HEPH: variants seen among roughly 807,000 people sequenced by gnomAD.
HEPH encodes hephaestin.
Under a neutral mutation model 80.8 loss-of-function variants are expected in HEPH, and 69 were observed. The ratio of observed to expected loss-of-function variants is 0.85; its 90% CI spans 0.70 to 1.04. HEPH has a LOEUF of 1.04. HEPH is among the 50% of genes least tolerant of loss of function. HEPH has a pLI of 0.00. For missense variants in HEPH, 1,115 were observed against 891.3 expected (o/e 1.25, Z -3.20); for synonymous variants, 431 against 322.8 (o/e 1.34, Z -3.60).
At chrX:66,164,749 C>T (rs757106615) in intron 1 of HEPH, among the ~76,000 whole-genome samples, 25 of 112,217 alleles carry the variant, frequency 2.2e-4, no homozygotes, top group African/African-American at 7.8e-4. Context: ...ATAGCTTGCT[C>T]ATCTTCTGTT....
rs748866999 is a variant in HEPH at position 66,251,064 on chromosome X, A to T, written c.2564-3971A>T. Reference sequence around the variant, plus strand: ...ACATTAAGCTAATTTTTGTATTTTTAGCAGAGATAGGTTTTGCCATGTTAG... The same window carrying T: ...ACATTAAGCTAATTTTTGTATTTTTTGCAGAGATAGGTTTTGCCATGTTAG... On this transcript the variant is annotated intron_variant, in intron 15 of 20. Transcript: ENST00000343002. Among the ~76,000 whole-genome samples the T allele has an allele frequency of 8.1e-4, 90 of 111,737 alleles. 2 individuals are homozygous for T. Among genetic ancestry groups the T allele is most frequent in the African/African-American group, 2.9e-3 (90 of 30,766 alleles).
chrX:66,264,352 TC>T (rs1396931627), intron 20 of HEPH, among the ~76,000 whole-genome samples: 4 of 107,260 alleles, frequency 3.7e-5, no homozygotes, highest in African/African-American at 1.4e-4. Context: ...CAAATATGAA[TC>T]CCCCCTAGGG....
At chrX:66,205,699 A>T (rs1376997440) in intron 13 of HEPH, among the ~76,000 whole-genome samples, 1 of 108,996 alleles carries the variant, frequency 9.2e-6, no homozygotes, top group African/African-American at 3.4e-5. Context: ...AGGTTCAAGC[A>T]ATTCTCCTGC....
At position 66,204,171 on chromosome X, in the gene HEPH, G is replaced by A. The variant is rs73215266; in HGVS notation, c.2291+594G>A. Among the ~76,000 whole-genome samples, 781 of 111,581 alleles carry A rather than the reference G, an allele frequency of 7.0e-3. 17 individuals carry two copies. Among genetic ancestry groups the A allele is most frequent in the Non-Finnish European group, 8.2e-3 (433 of 53,102 alleles). On this transcript the variant is annotated intron_variant, in intron 13 of 20. Coordinates refer to ENST00000343002, the MANE Select transcript of HEPH (RefSeq NM_001367233.3). Reference sequence around the variant, plus strand: ...CAGGGCAAGCAGCATTGTCTATAAGGACACAGCATGGAAATTGTATATATC... The same window carrying A: ...CAGGGCAAGCAGCATTGTCTATAAGAACACAGCATGGAAATTGTATATATC...
At chrX:66,163,097 G>A (rs2086242516), upstream of HEPH, among the ~76,000 whole-genome samples, 1 of 111,736 alleles carries the variant, frequency 8.9e-6, no homozygotes, top group Admixed American at 9.5e-5. Flanking sequence ...TTCTAGATGT[G>A]TAAATTTACA....
Position 66,260,987 on chromosome X carries a change from T to C in HEPH, c.3199+725T>C, listed in dbSNP as rs772280094. Among the ~76,000 whole-genome samples the C allele has an allele frequency of 3.6e-5, 4 of 111,924 alleles. No individual in the cohort carries two copies. The Admixed American group carries it at 3.8e-4, about 11-fold the overall frequency. On this transcript the variant is annotated intron_variant, in intron 19 of 20. Transcript: ENST00000343002. ...CTACCTATGTTGCACAGGCTGGTTC[T>C]AAACTCTTGGCCTCCTTCTGCAGCA... is the stretch of plus-strand genomic sequence containing the variant.
chrX:66,249,674 G>T (rs1043472307), intron 15 of HEPH, among the ~76,000 whole-genome samples: 3 of 111,834 alleles, frequency 2.7e-5, no homozygotes, highest in Non-Finnish European at 5.7e-5. Flanking sequence ...AATACACCTA[G>T]GGAGGTTAGT....
At chrX:66,249,864 G>T (rs2090943773) in intron 15 of HEPH, among the ~76,000 whole-genome samples, 1 of 111,614 alleles carries the variant, frequency 9.0e-6, no homozygotes, top group African/African-American at 3.3e-5. Flanking sequence ...AAACTTTGAG[G>T]ACCACTGATT....
intron 10 of HEPH, among the ~76,000 whole-genome samples, chrX:66,198,374 A>G (rs1366669612): frequency 8.9e-6 from 1 of 112,319 alleles, no homozygotes; most frequent in Non-Finnish European, 1.9e-5. Context: ...TAACGATGGA[A>G]GAAGACACCT....
chrX:66,208,973 A>G (rs1229873733), intron 15 of HEPH, among the ~76,000 whole-genome samples: 1 of 109,852 alleles, frequency 9.1e-6, no homozygotes, highest in Non-Finnish European at 1.9e-5. Flanking sequence ...TCCTAATACT[A>G]AATATAGAAT....
rs1465680075 is a variant in HEPH at position 66,256,094 on chromosome X, C to T, written c.2671-11C>T. On this transcript the variant is annotated splice_polypyrimidine_tract_variant and intron_variant, in intron 16 of 20. Transcript: ENST00000343002. ...TCTCTTTCTCTCTCTCCCACTTCCT[C>T]CCTTCCTCAGGACATGTATAGTGGC... 1 of 1,183,325 alleles carries T rather than the reference C, an allele frequency of 8.5e-7. No homozygotes were observed. The highest frequency in any genetic ancestry group is 1.1e-6 in the Non-Finnish European group (1 of 874,075).
intron 15 of HEPH, among the ~76,000 whole-genome samples, chrX:66,237,307 C>T (rs959717945): frequency 9.0e-6 from 1 of 111,514 alleles, no homozygotes; most frequent in Non-Finnish European, 1.9e-5. Context: ...TTAGCTGTGT[C>T]CCAGAGATTC....
intron 12 of HEPH, 61 bp downstream of exon 12, chrX:66,200,813 G>T: frequency 2.2e-6 from 2 of 929,543 alleles, no homozygotes; most frequent in Non-Finnish European, 1.5e-6. Context: ...GAATGGGGTC[G>T]GGAAGAGGGA....
At chrX:66,217,743 C>A (rs949686484) in intron 15 of HEPH, among the ~76,000 whole-genome samples, 4 of 111,606 alleles carry the variant, frequency 3.6e-5, no homozygotes, top group Admixed American at 9.5e-5. Flanking sequence ...TACAGAATAG[C>A]AGAATAGATA....
At chrX:66,250,914 C>T (rs545739033) in intron 15 of HEPH, among the ~76,000 whole-genome samples, 1 of 112,040 alleles carries the variant, frequency 8.9e-6, no homozygotes, top group African/African-American at 3.2e-5. Flanking sequence ...GACAGAGTCT[C>T]GCTCTGTCAC....
intron 4 of HEPH, among the ~76,000 whole-genome samples, chrX:66,176,780 T>C (rs1463190874): frequency 9.0e-6 from 1 of 111,368 alleles, no homozygotes; most frequent in Non-Finnish European, 1.9e-5. Flanking sequence ...GATAGTTTGC[T>C]GAGAATGATG....
At chrX:66,203,811 T>G (rs1262193189) in intron 13 of HEPH, among the ~76,000 whole-genome samples, 3 of 111,462 alleles carry the variant, frequency 2.7e-5, no homozygotes, top group Non-Finnish European at 3.8e-5. Context: ...TCTTTGTCTC[T>G]CTTCTTTCAG....
At chrX:66,229,941 A>G (rs1443777248) in intron 15 of HEPH, among the ~76,000 whole-genome samples, 16 of 57,999 alleles carry the variant, frequency 2.8e-4, no homozygotes, top group African/African-American at 1.0e-3. Context: ...CCACCCCACC[A>G]CAGTCCCCAG....
At chrX:66,235,019 A>G (rs772362641) in intron 15 of HEPH, among the ~76,000 whole-genome samples, 1 of 110,355 alleles carries the variant, frequency 9.1e-6, no homozygotes, top group Non-Finnish European at 1.9e-5. Context: ...GGGTCTGTTC[A>G]TGTCCTTTGC....
Sources: allele counts gnomAD v4.1 joint callset (sites outside exome capture counted in the v4.1 genomes callset), GRCh38; gene constraint gnomAD v4.1.1; transcripts MANE v1.5; gene names NCBI Gene and HGNC (gene_info 2026-07-23, HGNC 2026-07-21).